Variants in ZFPM2 observed in about 807,000 individuals in gnomAD.
ZFPM2 encodes the protein zinc finger protein, FOG family member 2.
Under a neutral mutation model 98.6 loss-of-function variants are expected in ZFPM2, and 20 were observed. That is an observed-to-expected ratio of 0.20 (90% confidence interval 0.14 to 0.29). The LOEUF (loss-of-function observed/expected upper bound fraction) is 0.29, where lower values mean the gene tolerates loss of function less well. Among genes scored for constraint, ZFPM2 ranks in the 10% least tolerant of loss-of-function variants. The pLI is 1.00. For missense variants in ZFPM2, 1,310 were observed against 1,388.6 expected, an observed-to-expected ratio of 0.94 and a Z score of 0.90; for synonymous variants, 518 against 502.7, an observed-to-expected ratio of 1.03 and a Z score of -0.41.
At chr8:105,537,529 A>T in intron 3 of ZFPM2, among the ~76,000 whole-genome samples, 1 of 152,040 alleles carries the variant, frequency 6.6e-6, no homozygotes, top group East Asian at 1.9e-4. Context: ...AATAATCATA[A>T]TAAATAACTT....
chr8:105,500,128 T>A (rs1407059285), intron 3 of ZFPM2, among the ~76,000 whole-genome samples: 1 of 152,202 alleles, frequency 6.6e-6, no homozygotes, highest in Non-Finnish European at 1.5e-5. Context: ...AGTGGCTAAA[T>A]ATTAAAAACT....
intron 1 of ZFPM2, among the ~76,000 whole-genome samples, chr8:105,370,468 G>C (rs1473407544): frequency 6.6e-6 from 1 of 152,186 alleles, no homozygotes; most frequent in Non-Finnish European, 1.5e-5. Context: ...TGGAGGTTGG[G>C]CTACATAAAC....
At chr8:105,673,635 A>G (rs1817638379) in intron 5 of ZFPM2, among the ~76,000 whole-genome samples, 1 of 152,096 alleles carries the variant, frequency 6.6e-6, no homozygotes, top group African/African-American at 2.4e-5. Flanking sequence ...CTCCACTAAT[A>G]TTTTTAAAAC....
chr8:105,799,803 G>A (rs1023413598), intron 7 of ZFPM2, among the ~76,000 whole-genome samples: 4 of 152,130 alleles, frequency 2.6e-5, no homozygotes, highest in African/African-American at 9.7e-5. Flanking sequence ...ACACCTCTGG[G>A]TGACTTTCTT....
chr8:105,633,649 T>A (rs1360426684), intron 4 of ZFPM2, among the ~76,000 whole-genome samples: 1 of 152,194 alleles, frequency 6.6e-6, no homozygotes, highest in Admixed American at 6.5e-5. Flanking sequence ...TTATTCACGA[T>A]TCCTCTTTTA....
intron 1 of ZFPM2, among the ~76,000 whole-genome samples, chr8:105,345,861 A>G (rs1232406202): frequency 1.3e-5 from 2 of 152,134 alleles, no homozygotes; most frequent in Non-Finnish European, 2.9e-5. Context: ...AGAATGTACC[A>G]TTATATTTTC....
At chr8:105,386,216 G>GT (rs1438626953) in intron 1 of ZFPM2, among the ~76,000 whole-genome samples, 1 of 152,112 alleles carries the variant, frequency 6.6e-6, no homozygotes, top group Non-Finnish European at 1.5e-5. Context: ...CGAAAGTAGG[G>GT]TATTTTTTAA....
chr8:105,452,752 A>AAAC (rs988122119), intron 3 of ZFPM2, among the ~76,000 whole-genome samples: 2 of 152,080 alleles, frequency 1.3e-5, no homozygotes, highest in African/African-American at 2.4e-5. Flanking sequence ...ACCCTGTCTC[A>AAAC]AACAACAACA....
At chr8:105,386,920 A>G (rs1205956257) in intron 1 of ZFPM2, among the ~76,000 whole-genome samples, 3 of 152,282 alleles carry the variant, frequency 2.0e-5, no homozygotes, top group East Asian at 1.9e-4. Flanking sequence ...CCACGTCCCC[A>G]CCAGAGTAGG....
intron 5 of ZFPM2, among the ~76,000 whole-genome samples, chr8:105,739,246 A>G (rs745749494): frequency 4.6e-5 from 7 of 152,094 alleles, no homozygotes; most frequent in Non-Finnish European, 7.4e-5. Context: ...CAAAAGTCCC[A>G]TTAAAGAATG....
intron 3 of ZFPM2, among the ~76,000 whole-genome samples, chr8:105,515,399 G>A (rs1813897874): frequency 2.0e-5 from 3 of 152,148 alleles, no homozygotes; most frequent in Admixed American, 2.0e-4. Flanking sequence ...TTATTTGCAT[G>A]TAATTTCTCA....
chr8:105,568,215 T>C (rs1480891041), intron 4 of ZFPM2, among the ~76,000 whole-genome samples: 1 of 152,090 alleles, frequency 6.6e-6, no homozygotes, highest in Admixed American at 6.6e-5. Flanking sequence ...TTCAACTGTT[T>C]TGCAAGCTTT....
chr8:105,589,106 T>A (rs1434086449), intron 4 of ZFPM2, among the ~76,000 whole-genome samples: 1 of 152,182 alleles, frequency 6.6e-6, no homozygotes, highest in African/African-American at 2.4e-5. Context: ...ACCCTAGTAG[T>A]TCTTAGAAAC....
intron 4 of ZFPM2, among the ~76,000 whole-genome samples, chr8:105,632,368 CT>C (rs1403352975): frequency 2.0e-5 from 3 of 152,152 alleles, no homozygotes; most frequent in Non-Finnish European, 4.4e-5. Flanking sequence ...CGGGATTTCA[CT>C]ATGTTGGCCA....
chr8:105,501,805 A>G (rs1200714509), intron 3 of ZFPM2, among the ~76,000 whole-genome samples: 1 of 152,184 alleles, frequency 6.6e-6, no homozygotes, highest in African/African-American at 2.4e-5. Flanking sequence ...ATGATAAGTT[A>G]GTAATGAATT....
intron 5 of ZFPM2, among the ~76,000 whole-genome samples, chr8:105,674,567 G>A (rs1419981760): frequency 1.2e-4 from 18 of 152,078 alleles, no homozygotes; most frequent in Admixed American, 9.8e-4. Flanking sequence ...CCGTACCTTG[G>A]CATCATATTT....
Position 105,703,068 on chromosome 8 carries a change from C to T in ZFPM2, c.532+68711C>T, listed in dbSNP as rs374320521. On this transcript the variant is annotated intron_variant, in intron 5 of 7. Coordinates refer to ENST00000407775, the MANE Select transcript of ZFPM2 (RefSeq NM_012082.4). ...TGGACTCCTTTCCTGCCCCCCGCCC[C>T]GCGCCCAACATTCTTATATTCTGTA... 5.1e-4 allele frequency among the ~76,000 whole-genome samples: 77 copies of T among 152,220 alleles called. 1 individual carries two copies. Among genetic ancestry groups the T allele is most frequent in the Middle Eastern group, 6.8e-3 (2 of 294 alleles).
intron 2 of ZFPM2, among the ~76,000 whole-genome samples, chr8:105,442,134 C>A (rs1477644757): frequency 1.3e-5 from 2 of 150,638 alleles, no homozygotes; most frequent in Non-Finnish European, 2.9e-5. Context: ...GAGATCGAGA[C>A]TATCCTGGCT....
intron 5 of ZFPM2, among the ~76,000 whole-genome samples, chr8:105,752,508 G>A (rs897497587): frequency 3.3e-5 from 5 of 152,146 alleles, no homozygotes; most frequent in African/African-American, 1.2e-4. Context: ...TTGGTTGTTT[G>A]TGGCAACAGC....
Sources: allele counts gnomAD v4.1 joint callset (sites outside exome capture counted in the v4.1 genomes callset), GRCh38; gene constraint gnomAD v4.1.1; transcripts MANE v1.5; gene names NCBI Gene and HGNC (gene_info 2026-07-23, HGNC 2026-07-21).